SH2D2A: variants seen among roughly 807,000 people sequenced by gnomAD.
SH2D2A encodes the protein SH2 domain-containing protein 2A.
A neutral mutation model predicts 43.6 loss-of-function variants in SH2D2A; 33 were observed. The ratio of observed to expected loss-of-function variants is 0.76; its 90% CI spans 0.57 to 1.01. The LOEUF (loss-of-function observed/expected upper bound fraction) is 1.01, where lower values mean the gene tolerates loss of function less well. SH2D2A is among the 50% of genes least tolerant of loss of function. The probability of loss-of-function intolerance (pLI) is 0.00; values close to 1 mark genes in which losing one functional copy is unlikely to be tolerated. For missense variants in SH2D2A, 491 were observed against 503.1 expected, an observed-to-expected ratio of 0.98 and a Z score of 0.23; for synonymous variants, 212 against 206.1, an observed-to-expected ratio of 1.03 and a Z score of -0.25.
intron 2 of SH2D2A, 162 bp from the exon 3 acceptor site, chr1:156,815,383 C>G: frequency 6.7e-6 from 4 of 598,128 alleles, no homozygotes; most frequent in Non-Finnish European, 1.2e-5. Flanking sequence ...ACTTAAATCC[C>G]TTCTTCAGCT....
chr1:156,807,036 A>C lies in SH2D2A; in HGVS notation c.*3+139T>G. On this transcript the variant is annotated intron_variant, in intron 8 of 8. Coordinates refer to ENST00000368199, the MANE Select transcript of SH2D2A (RefSeq NM_003975.4). This position sits in a 1 kb window ranked among gnomAD's most constrained non-coding sequence, Gnocchi z 5.1. ...GATGACACCTCTTTGCCATCCTTGC[A>C]ATAGATGATGGCTGAGCTCCTTTCC... The C allele has an allele frequency of 1.2e-6, 1 of 809,504 alleles. No homozygotes were observed. The highest frequency in any genetic ancestry group is 1.6e-5 in the South Asian group (1 of 62,638). The allele number at this position is 809,504 out of a possible 1,614,324, so 50.1% of individuals were successfully genotyped here.
chr1:156,813,722 G>T, intron 5 of SH2D2A, 126 bp downstream of exon 5: 1 of 886,660 alleles, frequency 1.1e-6, no homozygotes, highest in East Asian at 3.2e-5. Context: ...CTGGGTAAGG[G>T]AGGCATGCCC....
intron 2 of SH2D2A, chr1:156,815,448 G>C: frequency 1.7e-6 from 1 of 572,718 alleles, no homozygotes; most frequent in Non-Finnish European, 3.1e-6. Flanking sequence ...GGTCCTGAGG[G>C]CTTTTAATCC....
rs12071857 is a variant in SH2D2A, at chr1:156,809,305, G to C, written c.900C>G (p.Ala300=). 1,230 of 1,614,190 alleles carry C rather than the reference G, an allele frequency of 7.6e-4. 8 individuals carry two copies. In the African/African-American group the frequency reaches 0.015, roughly 19 times the overall value. The part of the protein sequence containing the change: ...YAMGRGSPGE[A]PSNIYVEVED... ...CCACTTCCACATAGATGTTGCTGGG[G>C]GCTTCCCCAGGGCTGCCCCGGCCCA... is the stretch of plus-strand genomic sequence containing the variant. Residue 300 remains alanine (A), a synonymous_variant, in exon 7 of 9, where the codon GCC becomes GCG. Coordinates refer to ENST00000368199, the MANE Select transcript of SH2D2A (RefSeq NM_003975.4). This position sits in a 1 kb window ranked among gnomAD's most constrained non-coding sequence, Gnocchi z 4.8.
rs775792968 is a variant in SH2D2A, at chr1:156,815,172, C to T, written c.173G>A (p.Arg58Lys). The change falls in exon 3 of 9, where the codon AGG becomes AAG. Residue 58 changes from arginine to lysine, a missense_variant. Coordinates refer to ENST00000368199, the MANE Select transcript of SH2D2A (RefSeq NM_003975.4). ...TCCTTCTCCAGGCACCTCCTCTGCCCTCTCAGCATTCCCTGTGTTGGAGGC... is the reference window on the plus strand; with the variant it reads ...TCCTTCTCCAGGCACCTCCTCTGCCTTCTCAGCATTCCCTGTGTTGGAGGC... ...EAASNTGNAE[R>K]AEEVPGEGSL... The T allele has an allele frequency of 6.7e-5, 108 of 1,600,982 alleles. No individual in the cohort carries two copies. The highest frequency in any genetic ancestry group is 8.3e-5 in the Non-Finnish European group (98 of 1,173,850).
rs1373127064 is a variant in SH2D2A, at chr1:156,814,000, G to A, written c.415C>T (p.Arg139Cys). The change falls in exon 5 of 9, where the codon CGC becomes TGC. Residue 139 changes from arginine (R) to cysteine (C), a missense_variant. Coordinates refer to ENST00000368199, the MANE Select transcript of SH2D2A (RefSeq NM_003975.4). The part of the protein sequence containing the change: ...VLTYRSRTCC[R>C]HFLLAQLRDG... ...CTGAGCTGGGCCAGCAGGAAGTGGCGGCAGCAAGTCCGGCTCCTGGAGGGC... is the reference window on the plus strand; with the variant it reads ...CTGAGCTGGGCCAGCAGGAAGTGGCAGCAGCAAGTCCGGCTCCTGGAGGGC... 2.6e-6 allele frequency: 4 copies of A among 1,516,254 alleles called. No homozygotes were observed. The highest frequency in any genetic ancestry group is 3.5e-6 in the Non-Finnish European group (4 of 1,132,542). 93.9% of individuals were successfully genotyped at this position (1,516,254 alleles called of 1,614,324 possible).
chr1:156,813,863 C>A lies in SH2D2A; in HGVS notation c.552G>T (p.Glu184Asp). The change falls in exon 5 of 9, where the codon GAG becomes GAT. Residue 184 changes from glutamate to aspartate, a missense_variant. By Grantham distance (45) the Glu-to-Asp change is conservative. Transcript: ENST00000368199. ...GGGCGCGTACCTGTCGGGCGAGGGG[C>A]TCGGTGAGCGTCTCCCCGTAGGGGC... ...PLSPYGETLTEPLARQTPEPA... is the reference protein window; with the variant it reads ...PLSPYGETLTDPLARQTPEPA... The A allele has an allele frequency of 6.7e-7, 1 of 1,501,782 alleles. No individual in the cohort carries two copies. Among genetic ancestry groups the A allele is most frequent in the Non-Finnish European group, 8.9e-7 (1 of 1,126,290 alleles). 93.0% of individuals were successfully genotyped at this position (1,501,782 alleles called of 1,614,324 possible).
rs1653628717 is a variant in SH2D2A, at chr1:156,814,010, C to A, written c.405G>T (p.Arg135=). 6.6e-7 allele frequency: 1 copy of A among 1,510,656 alleles called. No individual in the cohort carries two copies. 93.6% of individuals were successfully genotyped at this position (1,510,656 alleles called of 1,614,324 possible). ...CCAGCAGGAAGTGGCGGCAGCAAGT[C>A]CGGCTCCTGGAGGGCGCCGTTAGGG... The part of the protein sequence containing the change: ...AVTFVLTYRS[R]TCCRHFLLAQ... Residue 135 remains arginine (R), a synonymous_variant, in exon 5 of 9, where the codon CGG becomes CGT. Transcript: ENST00000368199.
At position 156,809,367 on chromosome 1, in the gene SH2D2A, A is replaced by C. The variant is rs1486182619; in HGVS notation, c.838T>G (p.Tyr280Asp). The C allele has an allele frequency of 6.2e-7, 1 of 1,613,864 alleles. No homozygotes were observed. The highest frequency in any genetic ancestry group is 1.1e-5 in the South Asian group (1 of 91,070). The part of the protein sequence containing the change: ...APRPKPSNPI[Y>D]NEPDEPIAFY... ...GCTATGGGTTCATCAGGCTCATTGT[A>C]GATAGGATTGGAGGGCTTGGGGCGT... Residue 280 changes from tyrosine to aspartate, a missense_variant, in exon 7 of 9, where the codon TAC becomes GAC. Physicochemically the swap from Tyr to Asp is radical, Grantham distance 160. Transcript: ENST00000368199. The surrounding 1 kb of genome is among the most constrained non-coding windows in gnomAD (Gnocchi z 4.8).
At chr1:156,814,806 G>T in intron 3 of SH2D2A, 1 of 435,914 alleles carries the variant, frequency 2.3e-6, no homozygotes, top group South Asian at 7.4e-5. Context: ...CTAGAGAGGG[G>T]AAGCTGAGGT....
intron 3 of SH2D2A, chr1:156,814,607 C>A: frequency 4.2e-6 from 2 of 471,856 alleles, no homozygotes; most frequent in Non-Finnish European, 7.5e-6. Context: ...TTCCAGATTT[C>A]AGAAGTCAAA....
At position 156,809,237 on chromosome 1, in the gene SH2D2A, C is replaced by T. The variant is rs144238677; in HGVS notation, c.968G>A (p.Arg323Gln). The change falls in exon 7 of 9, where the codon CGG (arginine) becomes CAG (glutamine). Residue 323 changes from arginine to glutamine, a missense_variant. Transcript: ENST00000368199. The surrounding 1 kb of genome is among the most constrained non-coding windows in gnomAD (Gnocchi z 4.8). ...TGGGACAGGCCTGGACCAGCTCTTC[C>T]GTAGGACAGGGTGCCCAAGGGTGGC... The part of the protein sequence containing the change: ...LPATLGHPVL[R>Q]KSWSRPVPGG... 6.7e-5 allele frequency: 108 copies of T among 1,613,618 alleles called. No individual in the cohort carries two copies. The highest frequency in any genetic ancestry group is 5.0e-4 in the Middle Eastern group (3 of 6,060).
intron 5 of SH2D2A, 77 bp downstream of exon 5, chr1:156,813,771 T>C: frequency 7.6e-7 from 1 of 1,312,006 alleles, no homozygotes; most frequent in Non-Finnish European, 9.8e-7. Context: ...TGGTGCCGCG[T>C]CCTGCGCCTG....
At chr1:156,810,359 T>A (rs1653323576) in intron 5 of SH2D2A, among the ~76,000 whole-genome samples, 1 of 152,208 alleles carries the variant, frequency 6.6e-6, no homozygotes, top group Non-Finnish European at 1.5e-5. Context: ...TAATTTCTTC[T>A]GGAACACAGG....
chr1:156,814,386 C>A (rs1409347715), intron 3 of SH2D2A, 92 bp from the exon 4 acceptor site: 3 of 1,535,710 alleles, frequency 2.0e-6, no homozygotes, highest in African/African-American at 1.4e-5. Context: ...CCCCTACCCC[C>A]AAGCAAGCAT....
chr1:156,813,980 C>G lies in SH2D2A; in HGVS notation c.435G>C (p.Gln145His), dbSNP rs1294450236. 1.3e-6 allele frequency: 2 copies of G among 1,528,056 alleles called. No homozygotes were observed. Among genetic ancestry groups the G allele is most frequent in the Non-Finnish European group, 1.8e-6 (2 of 1,140,246 alleles). The allele number at this position is 1,528,056 out of a possible 1,614,324, so 94.7% of individuals were successfully genotyped here. Reference sequence around the variant, plus strand: ...GCACCACGTGGCGCCCGTCCCTGAGCTGGGCCAGCAGGAAGTGGCGGCAGC... The same window carrying G: ...GCACCACGTGGCGCCCGTCCCTGAGGTGGGCCAGCAGGAAGTGGCGGCAGC... ...RTCCRHFLLA[Q>H]LRDGRHVVLG... Residue 145 changes from glutamine to histidine, a missense_variant, in exon 5 of 9, where the codon CAG becomes CAC. Physicochemically the swap from Gln to His is conservative, Grantham distance 24. Transcript: ENST00000368199.
chr1:156,812,667 T>A (rs1278081650), intron 5 of SH2D2A, among the ~76,000 whole-genome samples: 1 of 152,100 alleles, frequency 6.6e-6, no homozygotes, highest in Admixed American at 6.5e-5. Flanking sequence ...CCTGGGCCAG[T>A]GTAGCAGAGG....
At position 156,816,047 on chromosome 1, in the gene SH2D2A, C is replaced by G. The variant is rs1158556503; in HGVS notation, c.82G>C (p.Asp28His). The change falls in exon 2 of 9, where the codon GAC becomes CAC. Residue 28 changes from aspartate to histidine, a missense_variant. Physicochemically the swap from Asp to His is moderately conservative, Grantham distance 81 (BLOSUM62 -1). Transcript: ENST00000368199. ...TTCTGGCAGCTCCTGCGGGTCATGT[C>G]TGTGATCTGGAAGGTGCTGAAGGTT... Reference protein sequence around the residue: ...IPTFSTFQITDMTRRSCQNLG... With the variant: ...IPTFSTFQITHMTRRSCQNLG... The G allele has an allele frequency of 1.2e-6, 2 of 1,614,090 alleles. No homozygotes were observed. The highest frequency in any genetic ancestry group is 2.2e-5 in the East Asian group (1 of 44,874).
intron 5 of SH2D2A, among the ~76,000 whole-genome samples, chr1:156,810,179 G>T (rs1049412215): frequency 1.3e-5 from 2 of 152,112 alleles, no homozygotes; most frequent in Admixed American, 1.3e-4. Context: ...GGGACTACAG[G>T]CATGTGCCAC....
Sources: allele counts gnomAD v4.1 joint callset (sites outside exome capture counted in the v4.1 genomes callset), GRCh38; gene constraint gnomAD v4.1.1; non-coding constraint Gnocchi (gnomAD v3.1); transcripts MANE v1.5; gene names NCBI Gene and HGNC (gene_info 2026-07-23, HGNC 2026-07-21).